The following CEP164 variants were observed in gnomAD, a reference collection of about 807,000 sequenced individuals.
The protein encoded by CEP164 is centrosomal protein of 164 kDa.
In CEP164, 162 loss-of-function variants were observed where a neutral mutation model predicts 182.7. The ratio of observed to expected loss-of-function variants is 0.89; its 90% CI spans 0.78 to 1.01. CEP164 has a LOEUF of 1.01. CEP164 is among the 50% of genes least tolerant of loss of function. The pLI is 0.00. For synonymous variants in CEP164, 661 were observed against 690.0 expected, an observed-to-expected ratio of 0.96 and a Z score of 0.66; for missense variants, 1,735 against 1,790.4, an observed-to-expected ratio of 0.97 and a Z score of 0.56.
At chr11:117,392,171 C>T (rs2044737717) in intron 17 of CEP164, 55 bp from the exon 18 acceptor site, 1 of 1,465,762 alleles carries the variant, frequency 6.8e-7, no homozygotes, top group Non-Finnish European at 9.1e-7. Flanking sequence ...GCTCCGCCTC[C>T]CACCATGATC....
chr11:117,325,647 A>G (rs1002167872), upstream of CEP164, among the ~76,000 whole-genome samples: 1 of 152,172 alleles, frequency 6.6e-6, no homozygotes, highest in Non-Finnish European at 1.5e-5. Flanking sequence ...CGGCCTCCCA[A>G]AATGCTGGGA....
At chr11:117,359,214 G>C (rs2040653530) in intron 5 of CEP164, among the ~76,000 whole-genome samples, 1 of 152,154 alleles carries the variant, frequency 6.6e-6, no homozygotes, top group African/African-American at 2.4e-5. Context: ...AAAGTGCTGG[G>C]ATTACAGGCG....
At position 117,382,839 on chromosome 11, in the gene CEP164, G is replaced by A. The variant is rs779700431; in HGVS notation, c.1621G>A (p.Glu541Lys). Residue 541 changes from glutamate to lysine, a missense_variant, in exon 14 of 33, where the codon GAG (glutamate) becomes AAG (lysine). Glu to Lys is a moderately conservative substitution (Grantham distance 56, BLOSUM62 1). Coordinates refer to ENST00000278935, the MANE Select transcript of CEP164 (RefSeq NM_014956.5). ...ACCTGCTGCCTGTGAGAAGGGCAAGGAGCAGCATTCCCAGGCCGAGGAGCT... is the reference window on the plus strand; with the variant it reads ...ACCTGCTGCCTGTGAGAAGGGCAAGAAGCAGCATTCCCAGGCCGAGGAGCT... ...SPPAACEKGK[E>K]QHSQAEELGP... is the part of the protein sequence containing the mutation. 2.5e-6 allele frequency: 4 copies of A among 1,614,034 alleles called. No homozygotes were observed. The highest frequency in any genetic ancestry group is 2.5e-6 in the Non-Finnish European group (3 of 1,180,026).
At chr11:117,337,185 A>G (rs1042846319) in intron 2 of CEP164, among the ~76,000 whole-genome samples, 1 of 152,074 alleles carries the variant, frequency 6.6e-6, no homozygotes, top group Non-Finnish European at 1.5e-5. Flanking sequence ...GGCCCATATC[A>G]AAGTCTGTTG....
intron 11 of CEP164, among the ~76,000 whole-genome samples, chr11:117,377,644 T>G (rs1246076803): frequency 3.3e-5 from 5 of 152,286 alleles, no homozygotes; most frequent in Non-Finnish European, 7.4e-5. Context: ...CATGTCTCTC[T>G]CAAGGGCAGG....
At chr11:117,333,112 A>G (rs2134758430) in intron 1 of CEP164, among the ~76,000 whole-genome samples, 1 of 152,300 alleles carries the variant, frequency 6.6e-6, no homozygotes, top group South Asian at 2.1e-4. Flanking sequence ...TCCTGGGCTC[A>G]AGGGATCCTC....
intron 4 of CEP164, among the ~76,000 whole-genome samples, chr11:117,351,258 C>T (rs773284964): frequency 3.3e-5 from 5 of 152,238 alleles, no homozygotes; most frequent in African/African-American, 9.6e-5. Context: ...CTTGAACTCC[C>T]GACCTCGGCC....
chr11:117,361,475 C>G (rs917931340), intron 5 of CEP164, among the ~76,000 whole-genome samples: 1 of 151,836 alleles, frequency 6.6e-6, no homozygotes, highest in Non-Finnish European at 1.5e-5. Context: ...CTCCTGACCT[C>G]GTGATTCACC....
rs1348321210 is a variant in CEP164 at position 117,394,193 on chromosome 11, T to C, written c.2617-157T>C. Reference sequence around the variant, plus strand: ...GGCTTGCTGGGGCCAGGGCCGGTGCTGTGCTTGTAACCCTCCTCTTCTCCA... The same window carrying C: ...GGCTTGCTGGGGCCAGGGCCGGTGCCGTGCTTGTAACCCTCCTCTTCTCCA... On this transcript the variant is annotated intron_variant, in intron 20 of 32. Transcript: ENST00000278935. This position sits in a 1 kb window ranked among gnomAD's most constrained non-coding sequence, Gnocchi z 4.0. Among the ~76,000 whole-genome samples, 4 of 152,246 alleles carry C rather than the reference T, an allele frequency of 2.6e-5. No individual in the cohort carries two copies. Among genetic ancestry groups the C allele is most frequent in the African/African-American group, 7.2e-5 (3 of 41,470 alleles).
intron 14 of CEP164, 145 bp downstream of exon 14, chr11:117,383,087 T>G (rs2043526736): frequency 4.2e-6 from 4 of 952,106 alleles, no homozygotes; most frequent in Admixed American, 2.8e-5. Context: ...TCCTTGGTGC[T>G]CTGTGTGCAG....
rs755283139 is a variant in CEP164, at chr11:117,361,933, T to C, written c.492T>C (p.Ser164=). The change falls in exon 6 of 33, where the codon TCT becomes TCC. Residue 164 remains serine (S), a synonymous_variant. Transcript: ENST00000278935. Reference sequence around the variant, plus strand: ...CCCCACCCTCTGCTCTTCGTGGATCTCAAAGCGTGAGCCTGGGGAGCTCAG... The same window carrying C: ...CCCCACCCTCTGCTCTTCGTGGATCCCAAAGCGTGAGCCTGGGGAGCTCAG... ...VDTPPSALRG[S]QSVSLGSSVE... 5.0e-6 allele frequency: 8 copies of C among 1,610,094 alleles called. No individual in the cohort carries two copies. The East Asian group carries it at 1.3e-4, about 27-fold the overall frequency.
chr11:117,389,653 A>G (rs1053155815), intron 15 of CEP164, among the ~76,000 whole-genome samples: 3 of 152,218 alleles, frequency 2.0e-5, no homozygotes, highest in African/African-American at 7.2e-5. Context: ...GGAGTTGGAA[A>G]GACTTCCCAG....
rs1375721511 is a variant in CEP164 at position 117,407,950 on chromosome 11, AG to A, written c.3528del (p.Lys1176AsnfsTer11). On this transcript the variant is annotated frameshift_variant, in exon 28 of 33. Transcript: ENST00000278935. LOFTEE classifies it high-confidence loss of function. ...GAGACCAGGCACCTGGATGAGATGA[AG>A]TCGGCCATGCGGAAAGGCCACAACC... ...EKETRHLDEM[K>X]SAMRKGHNLL... 1 of 1,599,042 alleles carries A rather than the reference AG, an allele frequency of 6.3e-7. No individual in the cohort carries two copies. The highest frequency in any genetic ancestry group is 1.3e-5 in the African/African-American group (1 of 74,784).
intron 11 of CEP164, among the ~76,000 whole-genome samples, chr11:117,379,663 G>A (rs1320306554): frequency 1.3e-5 from 2 of 152,084 alleles, no homozygotes; most frequent in Non-Finnish European, 2.9e-5. Context: ...CCTGTGAGTT[G>A]CAGTTTGCTA....
chr11:117,373,800 T>C lies in CEP164; in HGVS notation c.1202T>C (p.Ile401Thr). Residue 401 changes from isoleucine (I) to threonine (T), a missense_variant, in exon 10 of 33, where the codon ATA becomes ACA. Transcript: ENST00000278935. ...AAGGAACCACAGCTCTCAGACTCCA[T>C]AGCTTCTGACCCCAAGTCCTTCCAT... is the stretch of plus-strand genomic sequence containing the variant. Reference protein sequence around the residue: ...HMKEPQLSDSIASDPKSFHGL... With the variant: ...HMKEPQLSDSTASDPKSFHGL... 6.2e-7 allele frequency: 1 copy of C among 1,614,114 alleles called. No individual in the cohort carries two copies. The highest frequency in any genetic ancestry group is 8.5e-7 in the Non-Finnish European group (1 of 1,179,990).
intron 12 of CEP164, among the ~76,000 whole-genome samples, 167 bp from the exon 13 acceptor site, chr11:117,381,534 G>A (rs1011941648): frequency 6.6e-6 from 1 of 152,186 alleles, no homozygotes; most frequent in African/African-American, 2.4e-5. Flanking sequence ...TCCCACATGT[G>A]TGGCTGCCTT....
intron 8 of CEP164, among the ~76,000 whole-genome samples, chr11:117,367,238 G>C (rs752974180): frequency 7.2e-5 from 11 of 152,238 alleles, no homozygotes; most frequent in Non-Finnish European, 1.3e-4. Flanking sequence ...CTCAGCTCAT[G>C]TACATCCATT....
intron 12 of CEP164, 42 bp downstream of exon 12, chr11:117,380,747 G>A: frequency 6.5e-7 from 1 of 1,543,630 alleles, no homozygotes; most frequent in Non-Finnish European, 8.8e-7. Context: ...GTGCCTTCAG[G>A]GTGGTGTGGA....
At chr11:117,396,011 C>T (rs1225505145) in intron 24 of CEP164, 43 bp from the exon 25 acceptor site, 14 of 1,612,110 alleles carry the variant, frequency 8.7e-6, no homozygotes, top group East Asian at 2.2e-5. Flanking sequence ...TCCCCCCCAT[C>T]GCCAGCCGCT....
Sources: allele counts gnomAD v4.1 joint callset (sites outside exome capture counted in the v4.1 genomes callset), GRCh38; gene constraint gnomAD v4.1.1; non-coding constraint Gnocchi (gnomAD v3.1); transcripts MANE v1.5; gene names NCBI Gene and HGNC (gene_info 2026-07-23, HGNC 2026-07-21).